Variants in PTPRD observed in about 807,000 individuals in gnomAD.
PTPRD encodes the protein protein tyrosine phosphatase receptor type D.
In PTPRD, 34 loss-of-function variants were observed where a neutral mutation model predicts 214.5. The ratio of observed to expected loss-of-function variants is 0.16; its 90% CI spans 0.12 to 0.21. The LOEUF (loss-of-function observed/expected upper bound fraction) is 0.21, where lower values mean the gene tolerates loss of function less well. PTPRD is among the 10% of genes least tolerant of loss of function. The pLI is 1.00. For synonymous variants in PTPRD, 1,128 were observed against 845.7 expected, an observed-to-expected ratio of 1.33 and a Z score of -5.79; for missense variants, 2,545 against 2,398.7, an observed-to-expected ratio of 1.06 and a Z score of -1.27.
chr9:9,439,014 G>A (rs2086443977), intron 8 of PTPRD, among the ~76,000 whole-genome samples: 1 of 152,034 alleles, frequency 6.6e-6, no homozygotes, highest in African/African-American at 2.4e-5. Context: ...CAAATAAAAT[G>A]CCAAGTAATA....
At chr9:9,883,679 C>T (rs112986800) in intron 5 of PTPRD, among the ~76,000 whole-genome samples, 1 of 152,130 alleles carries the variant, frequency 6.6e-6, no homozygotes, top group Admixed American at 6.6e-5. Context: ...ACAACCACTG[C>T]CTCACATGTA....
chr9:10,022,190 C>T (rs1426187335), intron 4 of PTPRD, among the ~76,000 whole-genome samples: 1 of 27,822 alleles, frequency 3.6e-5, no homozygotes, highest in Non-Finnish European at 7.4e-5. Flanking sequence ...AACGGAAATC[C>T]GAGGAAAGCA....
At chr9:9,405,396 A>G (rs1182759999) in intron 8 of PTPRD, among the ~76,000 whole-genome samples, 2 of 152,076 alleles carry the variant, frequency 1.3e-5, no homozygotes, top group Non-Finnish European at 2.9e-5. Context: ...AACAATGTCC[A>G]TCTAACTCCG....
At chr9:8,497,997 A>G (rs937485426) in intron 25 of PTPRD, among the ~76,000 whole-genome samples, 1 of 152,216 alleles carries the variant, frequency 6.6e-6, no homozygotes, top group Non-Finnish European at 1.5e-5. Flanking sequence ...ATTTTATACT[A>G]CGATAACTTT....
chr9:8,919,750 C>A (rs1235477863), intron 11 of PTPRD, among the ~76,000 whole-genome samples: 2 of 151,708 alleles, frequency 1.3e-5, no homozygotes, highest in Non-Finnish European at 2.9e-5. Flanking sequence ...TACATGTATA[C>A]ATGCATGCAT....
intron 3 of PTPRD, among the ~76,000 whole-genome samples, chr9:10,221,255 G>A (rs972684545): frequency 2.6e-5 from 4 of 151,542 alleles, no homozygotes; most frequent in Admixed American, 6.6e-5. Context: ...GGTACTGAAC[G>A]GGAGCTCAGA....
intron 8 of PTPRD, among the ~76,000 whole-genome samples, chr9:9,404,330 G>T (rs1310775045): frequency 6.6e-6 from 1 of 152,096 alleles, no homozygotes. Flanking sequence ...ACCTTTCCAG[G>T]CAAGAGCTGG....
chr9:9,937,975 T>C lies in PTPRD; in HGVS notation c.-368+532A>G, dbSNP rs145720708. Reference sequence around the variant, plus strand: ...TCATAACTGGAATTGGAGGCAGAGATCTTACCTCTTGTAATTTTAAGACTG... The same window carrying C: ...TCATAACTGGAATTGGAGGCAGAGACCTTACCTCTTGTAATTTTAAGACTG... On this transcript the variant is annotated intron_variant, in intron 5 of 45. Transcript: ENST00000381196. Among the ~76,000 whole-genome samples, 248 of 152,292 alleles carry C rather than the reference T, an allele frequency of 1.6e-3. 2 individuals carry two copies. The highest frequency in any genetic ancestry group is 5.4e-3 in the African/African-American group (224 of 41,564).
rs113507469 is a variant in PTPRD, at chr9:8,425,277, T to C, written c.4086+11315A>G. ...CCCAGCAGTGACATAAACATAGACGTACTCATTTGGTCCCTCAGGTACTTG... is the reference window on the plus strand; with the variant it reads ...CCCAGCAGTGACATAAACATAGACGCACTCATTTGGTCCCTCAGGTACTTG... On this transcript the variant is annotated intron_variant, in intron 35 of 45. Coordinates refer to ENST00000381196, the MANE Select transcript of PTPRD (RefSeq NM_002839.4). Among the ~76,000 whole-genome samples the C allele has an allele frequency of 2.9e-3, 437 of 152,326 alleles. 1 individual carries two copies. Among genetic ancestry groups the C allele is most frequent in the African/African-American group, 0.01 (428 of 41,594 alleles).
chr9:9,954,495 T>A (rs372196480), intron 4 of PTPRD, among the ~76,000 whole-genome samples: 10 of 151,838 alleles, frequency 6.6e-5, no homozygotes, highest in African/African-American at 2.4e-4. Context: ...AATAAGAACA[T>A]TACTTATAAA....
At chr9:10,146,379 A>G (rs954873735) in intron 3 of PTPRD, among the ~76,000 whole-genome samples, 4 of 152,098 alleles carry the variant, frequency 2.6e-5, no homozygotes, top group African/African-American at 7.2e-5. Context: ...CCTGTCCTAT[A>G]TAAATTACAG....
At chr9:10,573,242 T>A (rs559282657) in intron 2 of PTPRD, among the ~76,000 whole-genome samples, 20 of 152,168 alleles carry the variant, frequency 1.3e-4, no homozygotes, top group Admixed American at 7.9e-4. Context: ...CATTTTGATG[T>A]TTTTTTACTT....
intron 3 of PTPRD, among the ~76,000 whole-genome samples, chr9:10,200,504 G>A (rs998067314): frequency 1.3e-5 from 2 of 152,058 alleles, no homozygotes; most frequent in South Asian, 2.1e-4. Context: ...TAGTGCAGTT[G>A]AAAAACGAAA....
At chr9:10,331,970 G>A (rs2096758878) in intron 3 of PTPRD, among the ~76,000 whole-genome samples, 2 of 151,748 alleles carry the variant, frequency 1.3e-5, no homozygotes, top group African/African-American at 2.4e-5. Context: ...AGGATATATC[G>A]AATCACAGTT....
At chr9:10,589,133 A>T (rs1467357369) in intron 2 of PTPRD, among the ~76,000 whole-genome samples, 3 of 152,076 alleles carry the variant, frequency 2.0e-5, no homozygotes, top group Non-Finnish European at 4.4e-5. Context: ...AGTTGAAATC[A>T]TATCTAATTG....
rs376937451 is a variant in PTPRD, at chr9:8,934,520, A to AAAAAT, written c.-104+84176_-104+84177insATTTT. On this transcript the variant is annotated intron_variant, in intron 11 of 45. Coordinates refer to ENST00000381196, the MANE Select transcript of PTPRD (RefSeq NM_002839.4). ...ATATATATATAAATATATATATATA[A>AAAAAT]ATATATATATATATGGGAAACCATA... Among the ~76,000 whole-genome samples the AAAAAT allele has an allele frequency of 1.2e-4, 2 of 17,076 alleles. 1 individual carries two copies. The highest frequency in any genetic ancestry group is 5.1e-3 in the East Asian group (2 of 392). The allele number at this position is 17,076 out of a possible 152,430, so 11.2% of individuals were successfully genotyped here. A position where few individuals can be genotyped will look rare whatever the true frequency, so the allele number is the denominator to read the frequency against.
chr9:10,421,871 G>T (rs1363804777), intron 2 of PTPRD, among the ~76,000 whole-genome samples: 3 of 151,444 alleles, frequency 2.0e-5, no homozygotes, highest in Admixed American at 6.6e-5. Flanking sequence ...GCCAATAACA[G>T]CAGTCCTTTA....
chr9:9,059,752 T>C (rs1167714278), intron 10 of PTPRD, among the ~76,000 whole-genome samples: 4 of 152,020 alleles, frequency 2.6e-5, no homozygotes, highest in African/African-American at 9.7e-5. Context: ...AAGGTAAATA[T>C]ATAAAAATAA....
At chr9:8,857,408 G>A (rs1014230652) in intron 11 of PTPRD, among the ~76,000 whole-genome samples, 9 of 152,138 alleles carry the variant, frequency 5.9e-5, no homozygotes, top group Non-Finnish European at 1.0e-4. Flanking sequence ...CCTCTCTCCC[G>A]GGTCTGAGGT....
Sources: gnomAD v4.1 joint callset for allele counts (sites outside exome capture counted in the v4.1 genomes callset) on GRCh38, gnomAD v4.1.1 for gene constraint, MANE v1.5 for transcripts, NCBI Gene and HGNC (gene_info 2026-07-23, HGNC 2026-07-21) for gene names.